RIN2: variants seen among roughly 807,000 people sequenced by gnomAD.
The protein encoded by RIN2 is Ras and Rab interactor 2.
In RIN2, 36 loss-of-function variants were observed where a neutral mutation model predicts 78.0. The observed-to-expected ratio is 0.46, with a 90% CI of 0.35 to 0.61. The LOEUF (loss-of-function observed/expected upper bound fraction) is 0.61, where lower values mean the gene tolerates loss of function less well. Ranked by LOEUF, RIN2 falls within the 20% of genes least tolerant of loss-of-function variation. The pLI is 0.00. For synonymous variants in RIN2, 466 were observed against 466.8 expected (o/e 1.00, Z 0.02); for missense variants, 1,087 against 1,159.7 (o/e 0.94, Z 0.91).
At chr20:19,961,561 G>A (rs774566648) in intron 6 of RIN2, among the ~76,000 whole-genome samples, 57 of 152,082 alleles carry the variant, frequency 3.7e-4, no homozygotes, top group Non-Finnish European at 7.6e-4. Context: ...CAGAGCCTGG[G>A]ATTCCCACTT....
intron 2 of RIN2, among the ~76,000 whole-genome samples, chr20:19,804,824 G>C (rs2035354530): frequency 6.6e-6 from 1 of 151,826 alleles, no homozygotes; most frequent in Non-Finnish European, 1.5e-5. Context: ...AATCCATGTG[G>C]GTTTTTTTTG....
rs2037498033 is a variant in RIN2, at chr20:19,866,110, G to A, written c.-36-23456G>A. On this transcript the variant is annotated intron_variant, in intron 2 of 12. Coordinates refer to ENST00000255006, the MANE Select transcript of RIN2 (RefSeq NM_018993.4). ...GAGCTTGGTTTCCTGCAACTAGATG[G>A]TCCCATCTGGGGGTGATGGGAGACA... Among the ~76,000 whole-genome samples the A allele has an allele frequency of 5.3e-5, 8 of 152,116 alleles. No homozygotes were observed. The South Asian group carries it at 1.5e-3, about 28-fold the overall frequency.
chr20:19,827,185 A>C (rs528629589), intron 2 of RIN2, among the ~76,000 whole-genome samples: 1 of 152,268 alleles, frequency 6.6e-6, no homozygotes, highest in African/African-American at 2.4e-5. Flanking sequence ...CATGTTGGCC[A>C]GACTGGTCTC....
At chr20:19,966,963 G>T (rs1439190253) in intron 7 of RIN2, among the ~76,000 whole-genome samples, 1 of 152,006 alleles carries the variant, frequency 6.6e-6, no homozygotes, top group Non-Finnish European at 1.5e-5. Flanking sequence ...AACCACACCT[G>T]GTATGGCCTA....
chr20:19,858,424 T>C (rs1600638191), intron 2 of RIN2, among the ~76,000 whole-genome samples: 1 of 152,228 alleles, frequency 6.6e-6, no homozygotes, highest in East Asian at 1.9e-4. Flanking sequence ...CTGGGTAACC[T>C]GATAACTGAC....
At chr20:19,964,280 G>GA (rs61171348) in intron 6 of RIN2, among the ~76,000 whole-genome samples, 1,681 of 140,788 alleles carry the variant, frequency 0.012, 19 homozygotes, top group African/African-American at 0.033. Context: ...GAGAGAGAGA[G>GA]AAAAAAAAAA....
intron 4 of RIN2, among the ~76,000 whole-genome samples, chr20:19,944,878 G>A (rs1051316754): frequency 6.6e-6 from 1 of 152,124 alleles, no homozygotes; most frequent in Non-Finnish European, 1.5e-5. Flanking sequence ...CTCCAGAGTT[G>A]TGTTAATACC....
chr20:19,909,227 C>T (rs1438897937), intron 3 of RIN2, among the ~76,000 whole-genome samples: 3 of 152,070 alleles, frequency 2.0e-5, no homozygotes, highest in Non-Finnish European at 4.4e-5. Flanking sequence ...GTCATCAGAG[C>T]AGCCAGCTTT....
intron 2 of RIN2, among the ~76,000 whole-genome samples, chr20:19,872,582 A>G (rs991036445): frequency 6.6e-6 from 1 of 152,156 alleles, no homozygotes; most frequent in East Asian, 1.9e-4. Context: ...ACAGTGACCT[A>G]CACAACCCAG....
chr20:19,977,526 C>A (rs2042317786), intron 9 of RIN2, among the ~76,000 whole-genome samples: 1 of 152,196 alleles, frequency 6.6e-6, no homozygotes, highest in Non-Finnish European at 1.5e-5. Flanking sequence ...TGGGTCCTCA[C>A]CTCACCCCTG....
intron 2 of RIN2, among the ~76,000 whole-genome samples, chr20:19,849,145 C>T (rs2036877925): frequency 2.0e-5 from 3 of 151,846 alleles, no homozygotes; most frequent in Admixed American, 1.3e-4. Flanking sequence ...GTTGTGTAGA[C>T]TTAAACCACC....
intron 2 of RIN2, among the ~76,000 whole-genome samples, chr20:19,853,935 T>C (rs2037076502): frequency 6.6e-6 from 1 of 152,282 alleles, no homozygotes; most frequent in Non-Finnish European, 1.5e-5. Context: ...TTTGGTGTTT[T>C]AGTCATGAAG....
intron 9 of RIN2, among the ~76,000 whole-genome samples, chr20:19,979,111 T>C (rs2042370523): frequency 6.6e-6 from 1 of 152,220 alleles, no homozygotes; most frequent in African/African-American, 2.4e-5. Context: ...AATGGTGTGG[T>C]TAGTGTTTTC....
chr20:19,884,081 C>T (rs1347530378), intron 2 of RIN2, among the ~76,000 whole-genome samples: 1 of 150,108 alleles, frequency 6.7e-6, no homozygotes, highest in African/African-American at 2.4e-5. Flanking sequence ...GGATTATAGG[C>T]ATACGGGCAT....
At chr20:19,772,332 C>T (rs1046747177) in intron 1 of RIN2, among the ~76,000 whole-genome samples, 6 of 152,170 alleles carry the variant, frequency 3.9e-5, no homozygotes, top group African/African-American at 7.2e-5. Context: ...CCACTTCTTC[C>T]GTTGTACCAC....
chr20:19,878,404 A>G (rs535499717), intron 2 of RIN2, among the ~76,000 whole-genome samples: 3 of 152,306 alleles, frequency 2.0e-5, no homozygotes, highest in South Asian at 4.1e-4. Context: ...AGGATGGGGT[A>G]TCCACAGAGC....
chr20:19,864,183 A>G (rs993221394), intron 2 of RIN2, among the ~76,000 whole-genome samples: 12 of 152,152 alleles, frequency 7.9e-5, no homozygotes, highest in Non-Finnish European at 1.5e-5. Flanking sequence ...GGGAGAAGTT[A>G]CTATTGACAG....
chr20:19,977,269 T>A (rs995733166), intron 9 of RIN2, among the ~76,000 whole-genome samples: 2 of 152,188 alleles, frequency 1.3e-5, no homozygotes, highest in Admixed American at 1.3e-4. Context: ...CCACAGTGCC[T>A]GGCCTTCCCT....
intron 2 of RIN2, among the ~76,000 whole-genome samples, chr20:19,821,063 C>T (rs775467411): frequency 6.6e-5 from 10 of 152,136 alleles, no homozygotes; most frequent in African/African-American, 2.2e-4. Flanking sequence ...CTGATCTAAA[C>T]GAGCTGTCTG....
Sources: allele counts gnomAD v4.1 joint callset (sites outside exome capture counted in the v4.1 genomes callset), GRCh38; gene constraint gnomAD v4.1.1; transcripts MANE v1.5; gene names NCBI Gene and HGNC (gene_info 2026-07-23, HGNC 2026-07-21).